Variants in TENM1 observed in about 807,000 individuals in gnomAD.
The protein encoded by TENM1 is teneurin transmembrane protein 1, also known as teneurin-1.
In TENM1, 35 loss-of-function variants were observed where a neutral mutation model predicts 174.8. That is an observed-to-expected ratio of 0.20 (90% CI 0.15 to 0.27). TENM1 has a LOEUF of 0.27. Among genes scored for constraint, TENM1 ranks in the 10% least tolerant of loss-of-function variants. The pLI is 1.00. For missense variants in TENM1, 1,633 were observed against 2,130.1 expected, an observed-to-expected ratio of 0.77 and a Z score of 4.59; for synonymous variants, 781 against 798.7, an observed-to-expected ratio of 0.98 and a Z score of 0.37.
chrX:124,807,212 A>G (rs139228326), intron 3 of TENM1, among the ~76,000 whole-genome samples: 278 of 112,022 alleles, frequency 2.5e-3, no homozygotes, highest in Non-Finnish European at 3.6e-3. Flanking sequence ...AATACCTTCC[A>G]CCAGGCCCCA....
chrX:125,170,581 G>A, the TENM1 span, among the ~76,000 whole-genome samples: 6 of 110,993 alleles, frequency 5.4e-5, no homozygotes, highest in African/African-American at 2.0e-4. Flanking sequence ...AAATATATAG[G>A]ACAGTTGAAG....
At chrX:124,755,758 G>T (rs1169082934) in intron 3 of TENM1, among the ~76,000 whole-genome samples, 5 of 108,273 alleles carry the variant, frequency 4.6e-5, no homozygotes, top group African/African-American at 6.9e-5. Flanking sequence ...AGCTTAGTTT[G>T]GCTGGATATG....
At chrX:124,460,277 G>A (rs1438296930) in intron 22 of TENM1, among the ~76,000 whole-genome samples, 11 of 111,471 alleles carry the variant, frequency 9.9e-5, no homozygotes, top group Admixed American at 5.7e-4. Context: ...ACACATGCAC[G>A]TGTATGTTCA....
the TENM1 span, among the ~76,000 whole-genome samples, chrX:125,183,441 T>G: frequency 8.9e-6 from 1 of 111,850 alleles, no homozygotes; most frequent in Non-Finnish European, 1.9e-5. Context: ...ATTTTAAATG[T>G]TTTAATATGA....
At chrX:124,716,056 A>T (rs2053175652) in intron 4 of TENM1, among the ~76,000 whole-genome samples, 1 of 112,016 alleles carries the variant, frequency 8.9e-6, no homozygotes, top group Admixed American at 9.5e-5. Flanking sequence ...ATCAGCTTTT[A>T]TTTCTTTGAA....
chrX:124,855,358 A>G (rs1287437027), intron 3 of TENM1, among the ~76,000 whole-genome samples: 2 of 111,323 alleles, frequency 1.8e-5, no homozygotes, highest in African/African-American at 3.3e-5. Flanking sequence ...AAGTATATAC[A>G]CAAAACCAAT....
intron 11 of TENM1, among the ~76,000 whole-genome samples, chrX:124,586,021 G>T (rs1235798896): frequency 1.8e-5 from 2 of 110,322 alleles, no homozygotes; most frequent in Non-Finnish European, 1.9e-5. Context: ...CCAATAACAG[G>T]CTCTGAAATT....
intron 11 of TENM1, among the ~76,000 whole-genome samples, chrX:124,620,890 A>G (rs2050501622): frequency 8.9e-6 from 1 of 112,361 alleles, no homozygotes; most frequent in African/African-American, 3.2e-5. Context: ...TGTACAAAAT[A>G]TCACCACTGT....
At chrX:124,549,051 T>G (rs1030586502) in intron 14 of TENM1, among the ~76,000 whole-genome samples, 4 of 112,189 alleles carry the variant, frequency 3.6e-5, no homozygotes, top group African/African-American at 1.3e-4. Flanking sequence ...TGAATTTGTT[T>G]CAATAAGAAG....
intron 30 of TENM1, 74 bp from the exon 34 acceptor site, chrX:124,382,886 T>TA: frequency 4.4e-6 from 4 of 903,003 alleles, no homozygotes; most frequent in Non-Finnish European, 5.9e-6. Flanking sequence ...ACTTGAAAGA[T>TA]ACCTCTCCTG....
chrX:125,141,679 A>G, the TENM1 span, among the ~76,000 whole-genome samples: 7 of 111,642 alleles, frequency 6.3e-5, no homozygotes, highest in Non-Finnish European at 1.1e-4. Context: ...TATCAAATAT[A>G]TTGCATATAA....
intron 4 of TENM1, among the ~76,000 whole-genome samples, chrX:124,714,934 A>C (rs2053144058): frequency 8.9e-6 from 1 of 111,742 alleles, no homozygotes; most frequent in African/African-American, 3.2e-5. Context: ...AGTTAGATCC[A>C]TGTTCTGTTA....
At chrX:124,576,525 T>C (rs1021331244) in intron 11 of TENM1, among the ~76,000 whole-genome samples, 1 of 112,219 alleles carries the variant, frequency 8.9e-6, no homozygotes, top group South Asian at 3.7e-4. Context: ...AAGGGCAAGC[T>C]TAACTGCCTC....
chrX:124,479,279 C>T (rs765379101), intron 22 of TENM1, among the ~76,000 whole-genome samples: 1 of 112,263 alleles, frequency 8.9e-6, no homozygotes, highest in African/African-American at 3.2e-5. Flanking sequence ...GTTGACAACA[C>T]CAGCTTCAGG....
At chrX:124,963,287 G>A (rs991233288) in intron 1 of TENM1, among the ~76,000 whole-genome samples, 7 of 112,087 alleles carry the variant, frequency 6.2e-5, no homozygotes, top group Admixed American at 2.8e-4. Context: ...CTATTTGTAG[G>A]ATTACACAAA....
At chrX:124,551,514 T>C (rs1569302873) in intron 14 of TENM1, among the ~76,000 whole-genome samples, 2 of 97,479 alleles carry the variant, frequency 2.1e-5, no homozygotes, top group South Asian at 1.0e-3. Context: ...TAAGTGTTCT[T>C]AACACACACA....
the TENM1 span, among the ~76,000 whole-genome samples, chrX:125,071,724 G>A: frequency 9.0e-6 from 1 of 111,111 alleles, no homozygotes; most frequent in East Asian, 2.8e-4. Context: ...ATACCTACCA[G>A]TGATAGGGCA....
chrX:124,947,131 C>T (rs765085953), intron 1 of TENM1, among the ~76,000 whole-genome samples: 16 of 111,579 alleles, frequency 1.4e-4, no homozygotes, highest in Non-Finnish European at 2.3e-4. Context: ...AAGGAAAGAA[C>T]ACTGTCCCTT....
chrX:124,937,918 T>C (rs1047053132), intron 1 of TENM1, among the ~76,000 whole-genome samples: 2 of 112,196 alleles, frequency 1.8e-5, no homozygotes, highest in South Asian at 7.3e-4. Context: ...ATTTATAGCT[T>C]CTATTAATCT....
Sources: gnomAD v4.1 joint callset for allele counts (sites outside exome capture counted in the v4.1 genomes callset) on GRCh38, gnomAD v4.1.1 for gene constraint, MANE v1.5 for transcripts, NCBI Gene and HGNC (gene_info 2026-07-23, HGNC 2026-07-21) for gene names.